The following DPH6 variants were observed in gnomAD, a reference collection of about 807,000 sequenced individuals.
DPH6 encodes diphthine--ammonia ligase.
A neutral mutation model predicts 38.2 loss-of-function variants in DPH6; 33 were observed. That is an observed-to-expected ratio of 0.86 (90% confidence interval 0.65 to 1.15). DPH6 has a LOEUF of 1.15. Among genes scored for constraint, DPH6 ranks in the 50% most tolerant of loss-of-function variants. DPH6 has a pLI of 0.00. For synonymous variants in DPH6, 108 were observed against 103.0 expected (o/e 1.05, Z -0.30); for missense variants, 325 against 320.0 (o/e 1.02, Z -0.12).
In DPH6 at chr15:35,300,510, A is replaced by T. The variant is rs562345783; in HGVS notation, n.200+73011T>A. On this transcript the variant is annotated intron_variant and non_coding_transcript_variant, in intron 3 of 3. Coordinates refer to the DPH6 transcript ENST00000560386. ...ATCGTTCCGGGACTAAAGTGGCAGCATTTGTTTACGGATGTAATGGACAAA... is the reference window on the plus strand; with the variant it reads ...ATCGTTCCGGGACTAAAGTGGCAGCTTTTGTTTACGGATGTAATGGACAAA... 2.6e-5 allele frequency among the ~76,000 whole-genome samples: 4 copies of T among 152,314 alleles called. No homozygotes were observed. The South Asian group carries it at 8.3e-4, about 32-fold the overall frequency.
intron 3 of DPH6, among the ~76,000 whole-genome samples, chr15:35,294,724 AT>A (rs1341024327): frequency 6.6e-6 from 1 of 152,234 alleles, no homozygotes; most frequent in Non-Finnish European, 1.5e-5. Context: ...GTCAAACTTA[AT>A]AAAACAATCC....
chr15:35,352,575 C>G (rs2052524413), intron 3 of DPH6, among the ~76,000 whole-genome samples: 1 of 152,164 alleles, frequency 6.6e-6, no homozygotes, highest in Admixed American at 6.5e-5. Flanking sequence ...ATGATGGTTT[C>G]CAGCTTCATC....
At chr15:35,382,309 G>A (rs1032072896) in intron 6 of DPH6, among the ~76,000 whole-genome samples, 8 of 152,136 alleles carry the variant, frequency 5.3e-5, no homozygotes, top group Admixed American at 2.0e-4. Flanking sequence ...GGTGGTGGGC[G>A]CCTGCAGTCC....
intron 5 of DPH6, among the ~76,000 whole-genome samples, chr15:35,420,083 TC>T (rs1218588546): frequency 2.0e-5 from 3 of 152,164 alleles, no homozygotes; most frequent in Non-Finnish European, 4.4e-5. Flanking sequence ...ATGTCAAGTA[TC>T]TTTTTCAACC....
At chr15:35,401,284 G>A (rs986741881) in intron 6 of DPH6, 16 of 897,108 alleles carry the variant, frequency 1.8e-5, no homozygotes, top group Admixed American at 1.2e-4. Context: ...CAGTTTCGGT[G>A]GGAATGACAA....
At chr15:35,476,843 A>G (rs2054269887) in intron 3 of DPH6, among the ~76,000 whole-genome samples, 1 of 151,890 alleles carries the variant, frequency 6.6e-6, no homozygotes, top group Non-Finnish European at 1.5e-5. Context: ...GTTATAGAAT[A>G]GTAAATGTTA....
chr15:35,199,056 A>C, the DPH6 span, among the ~76,000 whole-genome samples: 1 of 151,932 alleles, frequency 6.6e-6, no homozygotes, highest in Non-Finnish European at 1.5e-5. Context: ...AGTAGCTGGG[A>C]CTACAGGCGC....
At chr15:35,166,917 T>C in the DPH6 span, among the ~76,000 whole-genome samples, 1 of 151,900 alleles carries the variant, frequency 6.6e-6, no homozygotes, top group Non-Finnish European at 1.5e-5. Flanking sequence ...TTAAGAGAGA[T>C]AAGACATGAC....
At chr15:35,377,874 TG>T (rs1239823749) in intron 7 of DPH6, among the ~76,000 whole-genome samples, 2 of 151,632 alleles carry the variant, frequency 1.3e-5, no homozygotes, top group Non-Finnish European at 1.5e-5. Context: ...TTATTCATAT[TG>T]TTTTTTTTTT....
intron 5 of DPH6, among the ~76,000 whole-genome samples, chr15:35,413,849 T>C (rs58485681): frequency 0.03 from 4,488 of 151,726 alleles, 215 homozygotes; most frequent in African/African-American, 0.1. Flanking sequence ...TTCTGCCTCA[T>C]ACTGAATTGA....
At chr15:35,526,114 A>T (rs2054997879) in intron 3 of DPH6, among the ~76,000 whole-genome samples, 1 of 152,194 alleles carries the variant, frequency 6.6e-6, no homozygotes, top group Non-Finnish European at 1.5e-5. Flanking sequence ...TAAAGAGATA[A>T]ATCATGAAAG....
intron 3 of DPH6, among the ~76,000 whole-genome samples, chr15:35,332,033 G>C (rs2052330459): frequency 6.6e-6 from 1 of 152,126 alleles, no homozygotes; most frequent in Non-Finnish European, 1.5e-5. Flanking sequence ...CACACAATGG[G>C]AGGACAAAAA....
At chr15:35,527,488 C>T (rs2055021762) in intron 3 of DPH6, among the ~76,000 whole-genome samples, 1 of 152,056 alleles carries the variant, frequency 6.6e-6, no homozygotes, top group Non-Finnish European at 1.5e-5. Context: ...CAAAACAAAA[C>T]CCACAAGATA....
chr15:35,487,034 A>T (rs2141163504), intron 3 of DPH6, among the ~76,000 whole-genome samples: 1 of 152,256 alleles, frequency 6.6e-6, no homozygotes, highest in Non-Finnish European at 1.5e-5. Context: ...CTTTGACTCC[A>T]TGTCTCACAT....
chr15:35,486,903 G>A (rs145521186), intron 3 of DPH6, among the ~76,000 whole-genome samples: 75 of 152,306 alleles, frequency 4.9e-4, no homozygotes, highest in African/African-American at 1.7e-3. Context: ...CGGGGGTACA[G>A]GCATTGGGTA....
downstream of DPH6, among the ~76,000 whole-genome samples, chr15:35,368,175 TAA>T (rs997818765): frequency 9.2e-5 from 14 of 151,878 alleles, no homozygotes; most frequent in African/African-American, 3.4e-4. Flanking sequence ...CCTAAAGGTA[TAA>T]GAGTATTTTA....
intron 6 of DPH6, among the ~76,000 whole-genome samples, chr15:35,403,510 T>C (rs1046605440): frequency 2.0e-5 from 3 of 151,980 alleles, no homozygotes; most frequent in Admixed American, 6.6e-5. Context: ...ATTCATCCTT[T>C]CTTTATTTTT....
chr15:35,503,221 A>G (rs1350296616), intron 3 of DPH6, among the ~76,000 whole-genome samples: 1 of 151,984 alleles, frequency 6.6e-6, no homozygotes, highest in Non-Finnish European at 1.5e-5. Context: ...TACCTTTGTT[A>G]TAAGTAAATA....
At chr15:35,244,014 G>A (rs1182462449) in intron 3 of DPH6, among the ~76,000 whole-genome samples, 1 of 152,134 alleles carries the variant, frequency 6.6e-6, no homozygotes, top group Non-Finnish European at 1.5e-5. Flanking sequence ...TAATGCTCAA[G>A]GAAAATGGCA....
Sources: gnomAD v4.1 joint callset for allele counts (sites outside exome capture counted in the v4.1 genomes callset) on GRCh38, gnomAD v4.1.1 for gene constraint, MANE v1.5 for transcripts, NCBI Gene and HGNC (gene_info 2026-07-23, HGNC 2026-07-21) for gene names.